Variants in NTSR1 observed in about 807,000 individuals in gnomAD.
NTSR1 encodes neurotensin receptor 1.
In NTSR1, 29 loss-of-function variants were observed where a neutral mutation model predicts 31.2. The ratio of observed to expected loss-of-function variants is 0.93; its 90% CI spans 0.69 to 1.27. The LOEUF is 1.27. NTSR1 is among the 50% of genes most tolerant of loss of function. The pLI, the probability that NTSR1 is intolerant of heterozygous loss-of-function variation, is 0.00. For synonymous variants in NTSR1, 282 were observed against 269.9 expected, an observed-to-expected ratio of 1.04 and a Z score of -0.44; for missense variants, 697 against 595.4, an observed-to-expected ratio of 1.17 and a Z score of -1.78.
intron 1 of NTSR1, among the ~76,000 whole-genome samples, chr20:62,720,454 T>G (rs1246718053): frequency 6.6e-6 from 1 of 152,228 alleles, no homozygotes; most frequent in East Asian, 1.9e-4. Context: ...TCTGTCATCA[T>G]CCTTTTAATG....
At chr20:62,737,445 C>T (rs539957923) in intron 1 of NTSR1, among the ~76,000 whole-genome samples, 84 of 152,320 alleles carry the variant, frequency 5.5e-4, no homozygotes, top group Middle Eastern at 3.4e-3. Context: ...CCTTGACTCA[C>T]GGCTGCACCC....
chr20:62,718,100 G>A (rs1040458845), intron 1 of NTSR1, among the ~76,000 whole-genome samples: 1 of 152,186 alleles, frequency 6.6e-6, no homozygotes, highest in African/African-American at 2.4e-5. Context: ...CTGGCGGGGT[G>A]GCCGGAGCGG....
intron 1 of NTSR1, among the ~76,000 whole-genome samples, chr20:62,735,632 C>T (rs973272480): frequency 1.3e-5 from 2 of 152,240 alleles, no homozygotes; most frequent in Non-Finnish European, 2.9e-5. Flanking sequence ...ACAGCCTCCC[C>T]GCAAGGTGGC....
chr20:62,747,482 CGT>C (rs1568708346), intron 1 of NTSR1, among the ~76,000 whole-genome samples: 2 of 129,438 alleles, frequency 1.5e-5, no homozygotes, highest in Admixed American at 7.4e-5. Flanking sequence ...GTAAAGGCCA[CGT>C]ATGACAGTCC....
At position 62,754,803 on chromosome 20, in the gene NTSR1, C is replaced by T. The variant is rs201275906; in HGVS notation, c.833C>T (p.Thr278Met). 83 of 1,610,556 alleles carry T rather than the reference C, an allele frequency of 5.2e-5. No individual in the cohort carries two copies. The highest frequency in any genetic ancestry group is 3.6e-4 in the East Asian group (16 of 44,854). Residue 278 changes from threonine (T) to methionine (M), a missense_variant, in exon 2 of 4, where the codon ACG becomes ATG. Coordinates refer to ENST00000370501, the MANE Select transcript of NTSR1 (RefSeq NM_002531.3). ...GCGGCCGAGCAGGGCCAAGTGTGCA[C>T]GGTCGGGGGCGAGCACAGCACATTC... ...RQAAEQGQVC[T>M]VGGEHSTFSM...
At chr20:62,710,003 G>A (rs1411721837) in intron 1 of NTSR1, 82 bp downstream of exon 1, 1 of 1,168,414 alleles carries the variant, frequency 8.6e-7, no homozygotes, top group African/African-American at 1.6e-5. Context: ...TGGGTAGGGA[G>A]TGGGAGAGAT....
rs1040094280 is a variant in NTSR1 at position 62,758,819 on chromosome 20, G to A, written c.1007+463G>A. Among the ~76,000 whole-genome samples, 1 of 152,190 alleles carries A rather than the reference G, an allele frequency of 6.6e-6. No homozygotes were observed. The highest frequency in any genetic ancestry group is 6.5e-5 in the Admixed American group (1 of 15,278). ...GCTTATACAGCAAAGTCAGCAAAGG[G>A]AAAAGACACATGGAGTGGGGTCAGC... On this transcript the variant is annotated intron_variant, in intron 3 of 3. Coordinates refer to ENST00000370501, the MANE Select transcript of NTSR1 (RefSeq NM_002531.3). This position sits in a 1 kb window ranked among gnomAD's most constrained non-coding sequence, Gnocchi z 4.5.
At chr20:62,754,551 C>G in intron 1 of NTSR1, 134 bp from the exon 2 acceptor site, 1 of 750,946 alleles carries the variant, frequency 1.3e-6, no homozygotes, top group Non-Finnish European at 2.3e-6. Context: ...TAGGGCCGGA[C>G]CTCCTGAACT....
chr20:62,709,035 G>C lies in NTSR1; in HGVS notation c.-173G>C, dbSNP rs970146668. On this transcript the variant is annotated 5_prime_UTR_variant, in exon 1 of 4. Coordinates refer to ENST00000370501, the MANE Select transcript of NTSR1 (RefSeq NM_002531.3). ...GAGCGGAGCCCGGAGCCCGGAGCCC[G>C]GGGCGGCGCGTCTGGGTCTGGCGCT... 14 of 478,178 alleles carry C rather than the reference G, an allele frequency of 2.9e-5. No individual in the cohort carries two copies. The highest frequency in any genetic ancestry group is 3.5e-5 in the Non-Finnish European group (10 of 281,730). 29.6% of individuals were successfully genotyped at this position (478,178 alleles called of 1,614,324 possible).
intron 1 of NTSR1, among the ~76,000 whole-genome samples, chr20:62,753,443 G>A (rs1989427491): frequency 6.6e-6 from 1 of 152,194 alleles, no homozygotes. Context: ...CTGCAGCCCA[G>A]CCCAGGGAAT....
At chr20:62,739,357 T>G (rs1335110524) in intron 1 of NTSR1, among the ~76,000 whole-genome samples, 1 of 152,182 alleles carries the variant, frequency 6.6e-6, no homozygotes, top group African/African-American at 2.4e-5. Flanking sequence ...TTTCGGCCAC[T>G]CAGGGTAGAG....
chr20:62,754,861 C>G lies in NTSR1; in HGVS notation c.891C>G (p.Ala297=), dbSNP rs1319690559. 1 of 1,604,318 alleles carries G rather than the reference C, an allele frequency of 6.2e-7. No homozygotes were observed. The highest frequency in any genetic ancestry group is 1.3e-5 in the African/African-American group (1 of 74,824). ...SMAIEPGRVQ[A]LRHGVRVLRA... is the part of the protein sequence containing the mutation. ...CCATCGAGCCTGGCAGGGTCCAGGC[C>G]CTGCGGCACGGCGTGCGCGTCCTAC... is the stretch of plus-strand genomic sequence containing the variant. Residue 297 remains alanine, a synonymous_variant, in exon 2 of 4, where the codon GCC becomes GCG. Transcript: ENST00000370501.
chr20:62,736,926 C>G (rs1989105948), intron 1 of NTSR1, among the ~76,000 whole-genome samples: 1 of 152,192 alleles, frequency 6.6e-6, no homozygotes. Context: ...TTAGAAGCGT[C>G]TGGCGTTTGC....
rs1988697998 is a variant in NTSR1 at position 62,715,495 on chromosome 20, A to T, written c.714+5574A>T. The stretch of plus-strand genomic sequence containing the variant: ...GACAACGGTCAGGCTTTTGAGTGAG[A>T]TGGGCAAGGGTGGGAACGTGAGGGG... On this transcript the variant is annotated intron_variant, in intron 1 of 3. Coordinates refer to ENST00000370501, the MANE Select transcript of NTSR1 (RefSeq NM_002531.3). The surrounding 1 kb of genome is among the most constrained non-coding windows in gnomAD (Gnocchi z 4.7). Among the ~76,000 whole-genome samples, 1 of 152,176 alleles carries T rather than the reference A, an allele frequency of 6.6e-6. No homozygotes were observed. The highest frequency in any genetic ancestry group is 6.5e-5 in the Admixed American group (1 of 15,286).
At position 62,739,432 on chromosome 20, in the gene NTSR1, T is replaced by C. The variant is rs934185330; in HGVS notation, c.715-15253T>C. Among the ~76,000 whole-genome samples the C allele has an allele frequency of 1.2e-4, 18 of 151,652 alleles. 1 individual carries two copies. The highest frequency in any genetic ancestry group is 1.2e-3 in the Admixed American group (18 of 15,258). On this transcript the variant is annotated intron_variant, in intron 1 of 3. Transcript: ENST00000370501. Reference sequence around the variant, plus strand: ...AGCACAAAGGGTGGAGATCTGGGGTTAAGCCAGAGCCTGGGGCCCCCTGAG... The same window carrying C: ...AGCACAAAGGGTGGAGATCTGGGGTCAAGCCAGAGCCTGGGGCCCCCTGAG...
chr20:62,714,252 G>C lies in NTSR1; in HGVS notation c.714+4331G>C, dbSNP rs1001599785. On this transcript the variant is annotated intron_variant, in intron 1 of 3. Coordinates refer to ENST00000370501, the MANE Select transcript of NTSR1 (RefSeq NM_002531.3). This position sits in a 1 kb window ranked among gnomAD's most constrained non-coding sequence, Gnocchi z 4.1. ...CACAGTGTCCTCACCTGCAGCGCAG[G>C]GCATAGAGGGCTGTTGGTGTGGGGC... Among the ~76,000 whole-genome samples, 1 of 152,226 alleles carries C rather than the reference G, an allele frequency of 6.6e-6. No homozygotes were observed. The highest frequency in any genetic ancestry group is 2.4e-5 in the African/African-American group (1 of 41,450).
At chr20:62,736,611 G>A (rs1032660376) in intron 1 of NTSR1, among the ~76,000 whole-genome samples, 1 of 152,174 alleles carries the variant, frequency 6.6e-6, no homozygotes, top group Non-Finnish European at 1.5e-5. Context: ...CGAGGACTCC[G>A]AGGCCCTGGC....
chr20:62,709,541 G>A lies in NTSR1; in HGVS notation c.334G>A (p.Asp112Asn), dbSNP rs768561200. Reference protein sequence around the residue: ...HYHLGSLALSDLLTLLLAMPV... With the variant: ...HYHLGSLALSNLLTLLLAMPV... ...CCACCTGGGCAGCCTGGCGCTGTCCGACCTGCTCACCCTGCTGCTGGCCAT... is the reference window on the plus strand; with the variant it reads ...CCACCTGGGCAGCCTGGCGCTGTCCAACCTGCTCACCCTGCTGCTGGCCAT... The change falls in exon 1 of 4, where the codon GAC becomes AAC. Residue 112 changes from aspartate (D) to asparagine (N), a missense_variant. Asp to Asn is a conservative substitution (Grantham distance 23, BLOSUM62 1). Coordinates refer to ENST00000370501, the MANE Select transcript of NTSR1 (RefSeq NM_002531.3). 2.5e-6 allele frequency: 4 copies of A among 1,612,152 alleles called. No individual in the cohort carries two copies. The highest frequency in any genetic ancestry group is 3.4e-6 in the Non-Finnish European group (4 of 1,179,858).
rs1386385618 is a variant in NTSR1, at chr20:62,745,230, G to C, written c.715-9455G>C. On this transcript the variant is annotated intron_variant, in intron 1 of 3. Transcript: ENST00000370501. The surrounding 1 kb of genome is among the most constrained non-coding windows in gnomAD (Gnocchi z 4.1). The stretch of plus-strand genomic sequence containing the variant: ...ACAGCAACACAAAGACAGAGAGAGA[G>C]ACACAGAGAGGAAAGCAGAGACACA... Among the ~76,000 whole-genome samples the C allele has an allele frequency of 2.0e-5, 3 of 152,130 alleles. No individual in the cohort carries two copies. Among genetic ancestry groups the C allele is most frequent in the African/African-American group, 7.2e-5 (3 of 41,416 alleles).
Sources: gnomAD v4.1 joint callset for allele counts (sites outside exome capture counted in the v4.1 genomes callset) on GRCh38, gnomAD v4.1.1 for gene constraint, Gnocchi (gnomAD v3.1) non-coding constraint, MANE v1.5 for transcripts, NCBI Gene and HGNC (gene_info 2026-07-23, HGNC 2026-07-21) for gene names.